Variants in MTMR6 observed in about 807,000 individuals in gnomAD.
MTMR6 encodes phosphatidylinositol-3,5-bisphosphate 3-phosphatase MTMR6.
In MTMR6, 47 loss-of-function variants were observed where a neutral mutation model predicts 80.1. That is an observed-to-expected ratio of 0.59 (90% CI 0.46 to 0.75). The LOEUF (loss-of-function observed/expected upper bound fraction) is 0.75, where lower values mean the gene tolerates loss of function less well. Ranked by LOEUF, MTMR6 falls within the 30% of genes least tolerant of loss-of-function variation. The pLI is 0.00. For missense variants in MTMR6, 629 were observed against 730.9 expected, an observed-to-expected ratio of 0.86 and a Z score of 1.61; for synonymous variants, 254 against 253.0, an observed-to-expected ratio of 1.00 and a Z score of -0.04.
At chr13:25,260,349 G>A (rs1333304062) in intron 6 of MTMR6, among the ~76,000 whole-genome samples, 2 of 151,890 alleles carry the variant, frequency 1.3e-5, no homozygotes, top group Non-Finnish European at 2.9e-5. Flanking sequence ...TGTATTTTTA[G>A]TACAGACAGA....
chr13:25,286,201 T>C (rs1332995605), intron 1 of MTMR6, among the ~76,000 whole-genome samples: 1 of 152,222 alleles, frequency 6.6e-6, no homozygotes, highest in African/African-American at 2.4e-5. Context: ...AATTTATGTA[T>C]ACCTTTAAAA....
chr13:25,270,926 T>A (rs1038385214), intron 2 of MTMR6, among the ~76,000 whole-genome samples: 2 of 152,186 alleles, frequency 1.3e-5, no homozygotes, highest in African/African-American at 4.8e-5. Context: ...AAAAATAGTA[T>A]GAGCAGCTAT....
chr13:25,260,111 C>A (rs1023775276), intron 6 of MTMR6, among the ~76,000 whole-genome samples: 2 of 152,058 alleles, frequency 1.3e-5, no homozygotes, highest in African/African-American at 2.4e-5. Flanking sequence ...GATCTACCCA[C>A]CTTAGCCTTC....
intron 2 of MTMR6, among the ~76,000 whole-genome samples, chr13:25,273,278 A>C (rs1957623955): frequency 6.6e-6 from 1 of 152,212 alleles, no homozygotes; most frequent in East Asian, 1.9e-4. Context: ...CAATAATTTT[A>C]CTCCCAGACA....
At chr13:25,282,634 T>C (rs896343179) in intron 1 of MTMR6, among the ~76,000 whole-genome samples, 1 of 147,694 alleles carries the variant, frequency 6.8e-6, no homozygotes, top group African/African-American at 2.5e-5. Flanking sequence ...TGAGACAGAG[T>C]GCTGCTCTGT....
Position 25,251,454 on chromosome 13 carries a change from G to A in MTMR6, c.1605+195C>T, listed in dbSNP as rs531846091. On this transcript the variant is annotated intron_variant, in intron 13 of 13. Coordinates refer to ENST00000381801, the MANE Select transcript of MTMR6 (RefSeq NM_004685.5). The surrounding 1 kb of genome is among the most constrained non-coding windows in gnomAD (Gnocchi z 4.1). ...TCTATACGTTATGCTATATACTTCCGGTATTTTAATGTATTTTAAAATACA... is the reference window on the plus strand; with the variant it reads ...TCTATACGTTATGCTATATACTTCCAGTATTTTAATGTATTTTAAAATACA... Among the ~76,000 whole-genome samples, 34 of 152,186 alleles carry A rather than the reference G, an allele frequency of 2.2e-4. No individual in the cohort carries two copies. The highest frequency in any genetic ancestry group is 4.6e-4 in the Admixed American group (7 of 15,300).
Position 25,249,483 on chromosome 13 carries a change from G to T in MTMR6, c.1615C>A (p.Gln539Lys), listed in dbSNP as rs549090116. 31 of 1,610,472 alleles carry T rather than the reference G, an allele frequency of 1.9e-5. No individual in the cohort carries two copies. The South Asian group carries it at 3.0e-4, about 15-fold the overall frequency. ...DIKDLESKIK[Q>K]RKNKQTDGIL... is the part of the protein sequence containing the mutation. ...CCATCTGTTTGCTTATTTTTGCGTTGTTTAATTTTCTAGAACAAACACAAA... is the reference window on the plus strand; with the variant it reads ...CCATCTGTTTGCTTATTTTTGCGTTTTTTAATTTTCTAGAACAAACACAAA... Residue 539 changes from glutamine to lysine, a missense_variant, in exon 14 of 14, where the codon CAA becomes AAA. Gln to Lys is a moderately conservative substitution (Grantham distance 53, BLOSUM62 1). Transcript: ENST00000381801.
Position 25,248,968 on chromosome 13 carries a change from T to C in MTMR6, c.*264A>G. The C allele has an allele frequency of 4.9e-6, 2 of 411,436 alleles. No homozygotes were observed. The allele number at this position is 411,436 out of a possible 1,614,324, so 25.5% of individuals were successfully genotyped here. On this transcript the variant is annotated 3_prime_UTR_variant, in exon 14 of 14. Transcript: ENST00000381801. ...ACATAAATCATAAACGTCAATTCACTAGTGTACAGTGCAAATTGTGTTTTG... is the reference window on the plus strand; with the variant it reads ...ACATAAATCATAAACGTCAATTCACCAGTGTACAGTGCAAATTGTGTTTTG...
At chr13:25,259,260 G>C (rs1957282889) in intron 6 of MTMR6, among the ~76,000 whole-genome samples, 1 of 152,026 alleles carries the variant, frequency 6.6e-6, no homozygotes, top group African/African-American at 2.4e-5. Flanking sequence ...TCTGAGAATT[G>C]GGCCAAAAAT....
Position 25,266,283 on chromosome 13 carries a change from T to C in MTMR6, c.308A>G (p.Lys103Arg). The C allele has an allele frequency of 6.2e-7, 1 of 1,608,312 alleles. No homozygotes were observed. The highest frequency in any genetic ancestry group is 8.5e-7 in the Non-Finnish European group (1 of 1,175,312). ...AGAAAATGCATAGAGATCTTCATAT[T>C]TTGCTACAGAATACAAAATTTTAAA... ...NSLLQLSKQA[K>R]YEDLYAFSYN... Residue 103 changes from lysine to arginine, a missense_variant, in exon 4 of 14, where the codon AAA becomes AGA. Physicochemically the swap from Lys to Arg is conservative, Grantham distance 26. Coordinates refer to ENST00000381801, the MANE Select transcript of MTMR6 (RefSeq NM_004685.5).
At chr13:25,279,400 C>A (rs1008204169) in intron 1 of MTMR6, among the ~76,000 whole-genome samples, 12 of 152,182 alleles carry the variant, frequency 7.9e-5, no homozygotes, top group African/African-American at 2.9e-4. Flanking sequence ...GAGGCCTCTC[C>A]AGCCATGTGG....
chr13:25,268,019 A>G, intron 2 of MTMR6, 78 bp from the exon 3 acceptor site: 1 of 1,385,860 alleles, frequency 7.2e-7, no homozygotes, highest in South Asian at 1.6e-5. Flanking sequence ...AAGTTTAAGA[A>G]TGTCTTCCTC....
chr13:25,278,915 T>C (rs1407708599), intron 1 of MTMR6, among the ~76,000 whole-genome samples: 1 of 151,904 alleles, frequency 6.6e-6, no homozygotes, highest in Non-Finnish European at 1.5e-5. Flanking sequence ...CACAACTCCA[T>C]TACATGCACG....
Position 25,246,392 on chromosome 13 carries a change from T to C in MTMR6, c.*2840A>G, listed in dbSNP as rs1326778998. 3.5e-5 allele frequency: 5 copies of C among 143,674 alleles called. No individual in the cohort carries two copies. The highest frequency in any genetic ancestry group is 7.1e-5 in the Admixed American group (1 of 14,056). 8.9% of individuals were successfully genotyped at this position (143,674 alleles called of 1,614,324 possible). A position where few individuals can be genotyped will look rare whatever the true frequency, so the allele number is the denominator to read the frequency against. On this transcript the variant is annotated 3_prime_UTR_variant, in exon 14 of 14. Transcript: ENST00000381801. ...TAGTTTACATTGATATCTAGACATA[T>C]ATCTTAAACAGTCTCCAAATTTTCT...
chr13:25,275,128 T>TA (rs750030248), intron 1 of MTMR6, among the ~76,000 whole-genome samples: 31 of 152,194 alleles, frequency 2.0e-4, no homozygotes, highest in East Asian at 1.2e-3. Flanking sequence ...ACTACCAACC[T>TA]AAAAAATGTT....
chr13:25,265,488 T>A (rs895226041), intron 5 of MTMR6, among the ~76,000 whole-genome samples: 1 of 152,172 alleles, frequency 6.6e-6, no homozygotes, highest in Admixed American at 6.5e-5. Context: ...ACACCTGTAA[T>A]CCCAGTATTT....
At position 25,251,803 on chromosome 13, in the gene MTMR6, A is replaced by G. The variant is rs1957094817; in HGVS notation, c.1479-28T>C. On this transcript the variant is annotated intron_variant, in intron 12 of 13. Transcript: ENST00000381801. This position sits in a 1 kb window ranked among gnomAD's most constrained non-coding sequence, Gnocchi z 4.1. ...TTATGACAAAAAAAAGTTTCAATAAATTGTGTTTGAGAAAATTCAAGTATA... is the reference window on the plus strand; with the variant it reads ...TTATGACAAAAAAAAGTTTCAATAAGTTGTGTTTGAGAAAATTCAAGTATA... The G allele has an allele frequency of 2.5e-6, 4 of 1,602,264 alleles. No individual in the cohort carries two copies. The highest frequency in any genetic ancestry group is 2.7e-5 in the African/African-American group (2 of 73,916).
At position 25,247,832 on chromosome 13, in the gene MTMR6, G is replaced by T. The variant is rs1307509078; in HGVS notation, c.*1400C>A. The T allele has an allele frequency of 2.0e-5, 3 of 152,108 alleles. No individual in the cohort carries two copies. Among genetic ancestry groups the T allele is most frequent in the African/African-American group, 7.2e-5 (3 of 41,446 alleles). 9.4% of individuals were successfully genotyped at this position (152,108 alleles called of 1,614,324 possible). A position where few individuals can be genotyped will look rare whatever the true frequency, so the allele number is the denominator to read the frequency against. ...TAATATAATAGAGGTGTAACAGAAA[G>T]TAGCATGAGGAACACTATGCAAATT... On this transcript the variant is annotated 3_prime_UTR_variant, in exon 14 of 14. Transcript: ENST00000381801.
At chr13:25,256,387 G>T (rs1234400164) in intron 9 of MTMR6, among the ~76,000 whole-genome samples, 2 of 152,178 alleles carry the variant, frequency 1.3e-5, no homozygotes, top group African/African-American at 4.8e-5. Context: ...CTCCCGCTTG[G>T]CCTGTCCCAG....
Sources: allele counts gnomAD v4.1 joint callset (sites outside exome capture counted in the v4.1 genomes callset), GRCh38; gene constraint gnomAD v4.1.1; non-coding constraint Gnocchi (gnomAD v3.1); transcripts MANE v1.5; gene names NCBI Gene and HGNC (gene_info 2026-07-23, HGNC 2026-07-21).